The following RAB31 variants were observed in gnomAD, a reference collection of about 807,000 sequenced individuals.
The protein encoded by RAB31 is RAB31, member RAS oncogene family, also known as ras-related protein Rab-31.
Under a neutral mutation model 25.6 loss-of-function variants are expected in RAB31, and 21 were observed. That is an observed-to-expected ratio of 0.82 (90% CI 0.58 to 1.18). The LOEUF is 1.18. Ranked by LOEUF, RAB31 falls within the 50% of genes most tolerant of loss-of-function variation. The pLI, the probability that RAB31 is intolerant of heterozygous loss-of-function variation, is 0.00. For synonymous variants in RAB31, 87 were observed against 84.0 expected, an observed-to-expected ratio of 1.04 and a Z score of -0.20; for missense variants, 196 against 250.1, an observed-to-expected ratio of 0.78 and a Z score of 1.46.
intron 5 of RAB31, among the ~76,000 whole-genome samples, chr18:9,829,487 G>A (rs561700994): frequency 3.3e-5 from 5 of 152,328 alleles, no homozygotes; most frequent in South Asian, 2.1e-4. Flanking sequence ...TATTTCTGGC[G>A]TGGTGTTACT....
Position 9,708,974 on chromosome 18 carries a change from A to G in RAB31, c.39+530A>G, listed in dbSNP as rs2068001642. The stretch of plus-strand genomic sequence containing the variant: ...GGCAATTGATTTACTCACGTAAAAC[A>G]GAAAAATAAAACCAAAAGCGAACCC... On this transcript the variant is annotated intron_variant, in intron 1 of 6. Coordinates refer to ENST00000578921, the MANE Select transcript of RAB31 (RefSeq NM_006868.4). This position sits in a 1 kb window ranked among gnomAD's most constrained non-coding sequence, Gnocchi z 6.4. Among the ~76,000 whole-genome samples, 1 of 152,232 alleles carries G rather than the reference A, an allele frequency of 6.6e-6. No homozygotes were observed. The highest frequency in any genetic ancestry group is 1.5e-5 in the Non-Finnish European group (1 of 68,034).
chr18:9,786,953 A>G (rs1376300810), intron 2 of RAB31: 1 of 153,944 alleles, frequency 6.5e-6, no homozygotes, highest in Non-Finnish European at 1.5e-5. Flanking sequence ...AAGCAGTTAC[A>G]AGAGTGCCTC....
intron 4 of RAB31, chr18:9,814,902 G>A: frequency 2.6e-6 from 1 of 384,932 alleles, no homozygotes. Context: ...TTCTTAACTA[G>A]ATCAAGTTTT....
At chr18:9,834,015 C>T (rs1044544758) in intron 5 of RAB31, among the ~76,000 whole-genome samples, 1 of 152,130 alleles carries the variant, frequency 6.6e-6, no homozygotes, top group African/African-American at 2.4e-5. Context: ...GGAATAGAGC[C>T]AATTAATGAG....
chr18:9,744,673 AAGAC>A (rs1599021267), intron 1 of RAB31, among the ~76,000 whole-genome samples: 2 of 152,226 alleles, frequency 1.3e-5, no homozygotes, highest in African/African-American at 4.8e-5. Context: ...CTGAGGGCTT[AAGAC>A]ATTGGAAGTT....
At chr18:9,737,680 T>C (rs1166376253) in intron 1 of RAB31, among the ~76,000 whole-genome samples, 1 of 152,188 alleles carries the variant, frequency 6.6e-6, no homozygotes, top group Non-Finnish European at 1.5e-5. Flanking sequence ...TCACAGTGAA[T>C]CAATCTTGGA....
intron 5 of RAB31, among the ~76,000 whole-genome samples, chr18:9,824,121 T>G (rs1217988111): frequency 2.6e-5 from 4 of 152,198 alleles, no homozygotes; most frequent in African/African-American, 4.8e-5. Flanking sequence ...CTCCTGTAAT[T>G]CCCAGAAAAC....
In RAB31 at chr18:9,771,992, A is replaced by G. The variant is rs186234991; in HGVS notation, c.40-3286A>G. Among the ~76,000 whole-genome samples, 27 of 152,362 alleles carry G rather than the reference A, an allele frequency of 1.8e-4. No homozygotes were observed. In the East Asian group the frequency reaches 3.7e-3, roughly 21 times the overall value. On this transcript the variant is annotated intron_variant, in intron 1 of 6. Transcript: ENST00000578921. ...CAGACTTGCTGCTGTAACTCTTCAG[A>G]CAAGTTGGCGTTGACGCTTGAGCCC...
At chr18:9,794,690 C>T (rs1326360600) in intron 3 of RAB31, among the ~76,000 whole-genome samples, 2 of 152,078 alleles carry the variant, frequency 1.3e-5, no homozygotes, top group Non-Finnish European at 2.9e-5. Flanking sequence ...TGGCACATAC[C>T]TGTAGTCCCA....
At chr18:9,842,647 G>A (rs962582844) in intron 5 of RAB31, among the ~76,000 whole-genome samples, 1 of 152,070 alleles carries the variant, frequency 6.6e-6, no homozygotes, top group Admixed American at 6.6e-5. Flanking sequence ...CTCCTGCCCC[G>A]CCCCACCCCA....
rs1337796570 is a variant in RAB31 at position 9,719,308 on chromosome 18, TATATATATATATATATATATAAATAA to T, written c.39+10868_39+10893del. ...AAAAAAAAAAAAAAAAATATATATA[TATATATATATATATATATATAAATAA>T]ATAAATTTGATCTAATTATGAGGGA... On this transcript the variant is annotated intron_variant, in intron 1 of 6. Transcript: ENST00000578921. 2.5e-3 allele frequency among the ~76,000 whole-genome samples: 105 copies of T among 42,058 alleles called. 3 individuals are homozygous for T. The highest frequency in any genetic ancestry group is 6.0e-3 in the African/African-American group (82 of 13,614). The allele number at this position is 42,058 out of a possible 152,430, so 27.6% of individuals were successfully genotyped here.
chr18:9,803,812 G>A (rs1185082786), intron 3 of RAB31, among the ~76,000 whole-genome samples: 1 of 152,244 alleles, frequency 6.6e-6, no homozygotes, highest in Non-Finnish European at 1.5e-5. Flanking sequence ...AGCTGTGCAG[G>A]TGGAGCAGGG....
In RAB31 at chr18:9,731,596, C is replaced by CTT. The variant is rs10685568; in HGVS notation, c.39+23170_39+23171dup. ...AGATGAGAACCTTTCTGGGAATTTG[C>CTT]TTTTTTTTTTTTTTTTTTTGAGGCA... On this transcript the variant is annotated intron_variant, in intron 1 of 6. Transcript: ENST00000578921. Among the ~76,000 whole-genome samples the CTT allele has an allele frequency of 3.0e-4, 32 of 107,614 alleles. 1 individual carries two copies. The highest frequency in any genetic ancestry group is 5.3e-3 in the Middle Eastern group (1 of 190). 70.6% of individuals were successfully genotyped at this position (107,614 alleles called of 152,430 possible). A position where few individuals can be genotyped will look rare whatever the true frequency, so the allele number is the denominator to read the frequency against.
At position 9,845,708 on chromosome 18, in the gene RAB31, G is replaced by T; in HGVS notation, c.490+17G>T. ...AAGGAATCAGTAAGTACCTGAAATTGGGTTTTCAGCCCAACTTGCATTTTT... is the reference window on the plus strand; with the variant it reads ...AAGGAATCAGTAAGTACCTGAAATTTGGTTTTCAGCCCAACTTGCATTTTT... On this transcript the variant is annotated intron_variant, in intron 6 of 6. Coordinates refer to ENST00000578921, the MANE Select transcript of RAB31 (RefSeq NM_006868.4). The T allele has an allele frequency of 6.5e-7, 1 of 1,531,290 alleles. No individual in the cohort carries two copies. Among genetic ancestry groups the T allele is most frequent in the South Asian group, 1.3e-5 (1 of 79,596 alleles). 94.9% of individuals were successfully genotyped at this position (1,531,290 alleles called of 1,614,324 possible).
At chr18:9,825,724 T>C (rs1309186784) in intron 5 of RAB31, among the ~76,000 whole-genome samples, 1 of 152,230 alleles carries the variant, frequency 6.6e-6, no homozygotes, top group Non-Finnish European at 1.5e-5. Flanking sequence ...AACTGCAGGC[T>C]GCACTGTCTG....
Position 9,716,998 on chromosome 18 carries a change from C to T in RAB31, c.39+8554C>T, listed in dbSNP as rs953972566. Among the ~76,000 whole-genome samples, 8 of 149,732 alleles carry T rather than the reference C, an allele frequency of 5.3e-5. No individual in the cohort carries two copies. The South Asian group carries it at 8.5e-4, about 16-fold the overall frequency. ...CTAGTCTTGAATTCATGGGCTCAAG[C>T]GATCCTCCCACTTCAGCCTCCCCAA... On this transcript the variant is annotated intron_variant, in intron 1 of 6. Transcript: ENST00000578921.
chr18:9,724,727 A>G (rs1440579102), intron 1 of RAB31, among the ~76,000 whole-genome samples: 2 of 152,196 alleles, frequency 1.3e-5, no homozygotes, highest in African/African-American at 4.8e-5. Flanking sequence ...CATTATGCAG[A>G]TGAGCTTGTA....
At chr18:9,828,708 A>G (rs1228648501) in intron 5 of RAB31, among the ~76,000 whole-genome samples, 1 of 152,222 alleles carries the variant, frequency 6.6e-6, no homozygotes, top group African/African-American at 2.4e-5. Flanking sequence ...AGTGAGCCAC[A>G]GTTGAGTAGG....
At position 9,790,405 on chromosome 18, in the gene RAB31, AT is replaced by A. The variant is rs77093444; in HGVS notation, c.120-1738del. On this transcript the variant is annotated intron_variant, in intron 2 of 6. Coordinates refer to ENST00000578921, the MANE Select transcript of RAB31 (RefSeq NM_006868.4). ...ATGCTCAGCTGATTTAAAAAAAAAA[AT>A]TTTTTTTTTTGTAAAGAAGGAGTCT... Among the ~76,000 whole-genome samples, 917 of 149,118 alleles carry A rather than the reference AT, an allele frequency of 6.1e-3. 13 individuals are homozygous for A. The highest frequency in any genetic ancestry group is 0.022 in the African/African-American group (876 of 40,554).
Sources: allele counts gnomAD v4.1 joint callset (sites outside exome capture counted in the v4.1 genomes callset), GRCh38; gene constraint gnomAD v4.1.1; non-coding constraint Gnocchi (gnomAD v3.1); transcripts MANE v1.5; gene names NCBI Gene and HGNC (gene_info 2026-07-23, HGNC 2026-07-21).